KHDRBS2: variants seen among roughly 807,000 people sequenced by gnomAD.
KHDRBS2 encodes KH RNA binding domain containing, signal transduction associated 2.
In KHDRBS2, 26 loss-of-function variants were observed where a neutral mutation model predicts 44.3. That is an observed-to-expected ratio of 0.59 (90% CI 0.43 to 0.81). The LOEUF is 0.81. Among genes scored for constraint, KHDRBS2 ranks in the 40% least tolerant of loss-of-function variants. The probability of loss-of-function intolerance (pLI) is 0.00; values close to 1 mark genes in which losing one functional copy is unlikely to be tolerated. For missense variants in KHDRBS2, 476 were observed against 433.1 expected (o/e 1.10, Z -0.88); for synonymous variants, 194 against 151.1 (o/e 1.28, Z -2.08).
intron 2 of KHDRBS2, among the ~76,000 whole-genome samples, chr6:62,109,153 T>C (rs6455255): frequency 0.61 from 92,394 of 151,106 alleles, 28,435 homozygotes; most frequent in Non-Finnish European, 0.62. Flanking sequence ...AAGGGACGGT[T>C]GTCCTAGAAA....
chr6:62,172,098 G>A (rs539801761), intron 2 of KHDRBS2, among the ~76,000 whole-genome samples: 1 of 152,170 alleles, frequency 6.6e-6, no homozygotes, highest in East Asian at 1.9e-4. Flanking sequence ...GAATATAAAT[G>A]GGTGAAATGC....
At chr6:62,199,819 A>T (rs932702908) in intron 1 of KHDRBS2, among the ~76,000 whole-genome samples, 1 of 152,180 alleles carries the variant, frequency 6.6e-6, no homozygotes, top group Admixed American at 6.5e-5. Context: ...GCATCACGCT[A>T]CCTGACTTCA....
intron 2 of KHDRBS2, among the ~76,000 whole-genome samples, chr6:62,073,604 G>T (rs1386816157): frequency 6.9e-6 from 1 of 144,728 alleles, no homozygotes; most frequent in African/African-American, 2.6e-5. Flanking sequence ...GCTTGCTTTG[G>T]TTCTAGTTTA....
chr6:62,268,600 T>C (rs1395214794), intron 1 of KHDRBS2, among the ~76,000 whole-genome samples: 1 of 152,034 alleles, frequency 6.6e-6, no homozygotes, highest in Non-Finnish European at 1.5e-5. Context: ...TATTGTTTTC[T>C]TGAAAAAGTG....
intron 6 of KHDRBS2, among the ~76,000 whole-genome samples, chr6:61,807,499 T>C (rs1787357847): frequency 6.6e-6 from 1 of 152,082 alleles, no homozygotes. Flanking sequence ...ATAAAAAGAA[T>C]GAGATCATGT....
intron 6 of KHDRBS2, among the ~76,000 whole-genome samples, chr6:61,808,723 A>G (rs766259062): frequency 2.6e-5 from 4 of 152,132 alleles, no homozygotes; most frequent in Non-Finnish European, 4.4e-5. Context: ...CTAAATGAAA[A>G]ATTGAACATT....
chr6:62,205,971 T>G (rs527275699), intron 1 of KHDRBS2, among the ~76,000 whole-genome samples: 224 of 152,208 alleles, frequency 1.5e-3, no homozygotes, highest in African/African-American at 4.9e-3. Flanking sequence ...AATTGGGAAA[T>G]GATGAATTTT....
At chr6:62,224,047 G>A (rs564033417) in intron 1 of KHDRBS2, among the ~76,000 whole-genome samples, 4 of 152,212 alleles carry the variant, frequency 2.6e-5, no homozygotes, top group East Asian at 3.9e-4. Context: ...CCAATTTACT[G>A]TATTAGTCTA....
intron 2 of KHDRBS2, among the ~76,000 whole-genome samples, chr6:62,063,612 T>C (rs1403466824): frequency 6.6e-6 from 1 of 151,116 alleles, no homozygotes; most frequent in African/African-American, 2.4e-5. Flanking sequence ...ATAAATTAGG[T>C]ATTGATGGGA....
chr6:61,938,342 C>T (rs1356489000), intron 4 of KHDRBS2, among the ~76,000 whole-genome samples: 1 of 151,902 alleles, frequency 6.6e-6, no homozygotes, highest in Non-Finnish European at 1.5e-5. Context: ...TTTAGGAAAG[C>T]CATAGAGTTA....
At chr6:61,826,348 A>G (rs1790852861) in intron 6 of KHDRBS2, among the ~76,000 whole-genome samples, 1 of 152,114 alleles carries the variant, frequency 6.6e-6, no homozygotes, top group Admixed American at 6.5e-5. Flanking sequence ...AAGGAAGGGA[A>G]AAAGATGAGG....
chr6:62,124,794 A>AT (rs1562920269), intron 2 of KHDRBS2, among the ~76,000 whole-genome samples: 1 of 152,186 alleles, frequency 6.6e-6, no homozygotes, highest in East Asian at 1.9e-4. Context: ...TCAATTTTTA[A>AT]TTTTTTTAAT....
At chr6:62,118,990 T>G (rs1806961947) in intron 2 of KHDRBS2, among the ~76,000 whole-genome samples, 1 of 152,180 alleles carries the variant, frequency 6.6e-6, no homozygotes, top group South Asian at 2.1e-4. Flanking sequence ...CTTCCCTTCA[T>G]AGATCCATCT....
chr6:61,929,659 C>A (rs1025756406), intron 4 of KHDRBS2, among the ~76,000 whole-genome samples: 1 of 152,050 alleles, frequency 6.6e-6, no homozygotes, highest in Non-Finnish European at 1.5e-5. Flanking sequence ...TTTAGTATGA[C>A]CCTCTGATGT....
intron 2 of KHDRBS2, among the ~76,000 whole-genome samples, chr6:62,072,417 C>T (rs1441789637): frequency 6.6e-6 from 1 of 152,116 alleles, no homozygotes; most frequent in Non-Finnish European, 1.5e-5. Flanking sequence ...CTGTCTTCTG[C>T]CAGTTTTCAA....
chr6:62,162,242 CT>C (rs1474790090), intron 2 of KHDRBS2, among the ~76,000 whole-genome samples: 1 of 152,010 alleles, frequency 6.6e-6, no homozygotes, highest in Non-Finnish European at 1.5e-5. Flanking sequence ...GAAGGACCCC[CT>C]GAAGCATTTC....
chr6:61,672,048 C>T, the KHDRBS2 span, among the ~76,000 whole-genome samples: 1 of 121,136 alleles, frequency 8.3e-6, no homozygotes, highest in African/African-American at 2.8e-5. Context: ...TTCCTGTGTC[C>T]ATGTGTTCTC....
chr6:62,122,378 C>T (rs935012523), intron 2 of KHDRBS2, among the ~76,000 whole-genome samples: 3 of 152,122 alleles, frequency 2.0e-5, no homozygotes, highest in Non-Finnish European at 4.4e-5. Context: ...CATCAAGTCA[C>T]CATGTGACTT....
intron 2 of KHDRBS2, among the ~76,000 whole-genome samples, chr6:62,143,204 A>G (rs1376729791): frequency 6.6e-6 from 1 of 151,946 alleles, no homozygotes; most frequent in East Asian, 1.9e-4. Flanking sequence ...AATTTATGCA[A>G]TACCAGTATG....
Sources: allele counts gnomAD v4.1 joint callset (sites outside exome capture counted in the v4.1 genomes callset), GRCh38; gene constraint gnomAD v4.1.1; transcripts MANE v1.5; gene names NCBI Gene and HGNC (gene_info 2026-07-23, HGNC 2026-07-21).